FAM20A: variants seen among roughly 807,000 people sequenced by gnomAD.
The protein encoded by FAM20A is pseudokinase FAM20A.
Under a neutral mutation model 52.0 loss-of-function variants are expected in FAM20A, and 42 were observed. The observed-to-expected ratio is 0.81, with a 90% CI of 0.63 to 1.04. FAM20A has a LOEUF of 1.04. Among genes scored for constraint, FAM20A ranks in the 50% least tolerant of loss-of-function variants. The pLI, the probability that FAM20A is intolerant of heterozygous loss-of-function variation, is 0.00. For missense variants in FAM20A, 742 were observed against 712.7 expected, an observed-to-expected ratio of 1.04 and a Z score of -0.47; for synonymous variants, 304 against 298.9, an observed-to-expected ratio of 1.02 and a Z score of -0.18.
At position 68,571,958 on chromosome 17, in the gene FAM20A, G is replaced by A. The variant is rs2087549889; in HGVS notation, c.405-16215C>T. 2.9e-5 allele frequency among the ~76,000 whole-genome samples: 4 copies of A among 137,196 alleles called. No homozygotes were observed. The East Asian group carries it at 7.9e-4, about 27-fold the overall frequency. The allele number at this position is 137,196 out of a possible 152,430, so 90.0% of individuals were successfully genotyped here. A position where few individuals can be genotyped will look rare whatever the true frequency, so the allele number is the denominator to read the frequency against. On this transcript the variant is annotated intron_variant, in intron 1 of 10. Coordinates refer to ENST00000592554, the MANE Select transcript of FAM20A (RefSeq NM_017565.4). ...TGTAGAAATATATATATGTGTGTGT[G>A]TGTATATATATGTGTGTGTATATAC... is the stretch of plus-strand genomic sequence containing the variant.
At chr17:68,563,395 A>G (rs2087278981) in intron 1 of FAM20A, among the ~76,000 whole-genome samples, 1 of 151,746 alleles carries the variant, frequency 6.6e-6, no homozygotes, top group African/African-American at 2.4e-5. Flanking sequence ...TCAAAAAAAA[A>G]AAAAAAAAAA....
At chr17:68,570,728 C>T (rs1247173049) in intron 1 of FAM20A, among the ~76,000 whole-genome samples, 2 of 152,152 alleles carry the variant, frequency 1.3e-5, no homozygotes, top group African/African-American at 4.8e-5. Context: ...TGGCATCTGG[C>T]CACACATTCT....
At chr17:68,546,419 T>G (rs2086569724) in intron 4 of FAM20A, among the ~76,000 whole-genome samples, 1 of 152,046 alleles carries the variant, frequency 6.6e-6, no homozygotes, top group Non-Finnish European at 1.5e-5. Context: ...TCACAAATTT[T>G]CTTAATGGCA....
intron 1 of FAM20A, among the ~76,000 whole-genome samples, chr17:68,581,350 T>TTTTCCTTC (rs2087942502): frequency 2.2e-5 from 2 of 92,218 alleles, no homozygotes; most frequent in Non-Finnish European, 4.2e-5. Flanking sequence ...GAAATGCAGT[T>TTTTCCTTC]TTTCTTTCTT....
Position 68,539,881 on chromosome 17 carries a change from T to A in FAM20A, c.1301+4A>T. On this transcript the variant is annotated splice_donor_region_variant and intron_variant, in intron 9 of 10. Coordinates refer to ENST00000592554, the MANE Select transcript of FAM20A (RefSeq NM_017565.4). ...GATTGTTGAACACACGTGGGGAAGC[T>A]CACCCTCTGGCGTTGTCAAGGTGAA... 6.2e-7 allele frequency: 1 copy of A among 1,613,860 alleles called. No individual in the cohort carries two copies. The highest frequency in any genetic ancestry group is 8.5e-7 in the Non-Finnish European group (1 of 1,179,814).
Position 68,543,648 on chromosome 17 carries a change from C to G in FAM20A, c.793G>C (p.Ala265Pro). Residue 265 changes from alanine to proline, a missense_variant, in exon 5 of 11, where the codon GCA (alanine) becomes CCA (proline). Physicochemically the swap from Ala to Pro is conservative, Grantham distance 27. Coordinates refer to ENST00000592554, the MANE Select transcript of FAM20A (RefSeq NM_017565.4). Reference sequence around the variant, plus strand: ...CCCTACCTGTCCAGATGGAAAGCTGCGATCTCAGCATTGTGTCTCTGAAAG... The same window carrying G: ...CCCTACCTGTCCAGATGGAAAGCTGGGATCTCAGCATTGTGTCTCTGAAAG... ...IDFQRHNAEI[A>P]AFHLDRILDF... 1 of 1,614,008 alleles carries G rather than the reference C, an allele frequency of 6.2e-7. No individual in the cohort carries two copies. Among genetic ancestry groups the G allele is most frequent in the South Asian group, 1.1e-5 (1 of 91,072 alleles).
In FAM20A at chr17:68,541,176, T is replaced by TA; in HGVS notation, c.1110-219dup. The TA allele has an allele frequency of 5.2e-6, 3 of 579,106 alleles. No individual in the cohort carries two copies. The South Asian group carries it at 5.9e-5, about 11-fold the overall frequency. 35.9% of individuals were successfully genotyped at this position (579,106 alleles called of 1,614,324 possible). ...TGGGTCCTTTAAGTCTGGTGGACAC[T>TA]AAACCCATGGTTGGGATACTGTGTG... On this transcript the variant is annotated intron_variant, in intron 7 of 10. Coordinates refer to ENST00000592554, the MANE Select transcript of FAM20A (RefSeq NM_017565.4).
chr17:68,579,917 T>C (rs926559083), intron 1 of FAM20A, among the ~76,000 whole-genome samples: 1 of 152,216 alleles, frequency 6.6e-6, no homozygotes, highest in Non-Finnish European at 1.5e-5. Flanking sequence ...GGAGAACAAG[T>C]GGACTTTGGT....
In FAM20A at chr17:68,600,616, C is replaced by T. The variant is rs1326983412; in HGVS notation, c.51G>A (p.Ala17=). 3 of 1,563,154 alleles carry T rather than the reference C, an allele frequency of 1.9e-6. No individual in the cohort carries two copies. The highest frequency in any genetic ancestry group is 2.6e-6 in the Non-Finnish European group (3 of 1,158,536). ...DRLLTLLLLG[A]LLSADLYFHL... Reference sequence around the variant, plus strand: ...GGAAGTAGAGGTCGGCGGAGAGCAGCGCGCCCAGCAGCAGCAGAGTCAGTA... The same window carrying T: ...GGAAGTAGAGGTCGGCGGAGAGCAGTGCGCCCAGCAGCAGCAGAGTCAGTA... The change falls in exon 1 of 11, where the codon GCG becomes GCA. Residue 17 remains alanine (A), a synonymous_variant. Transcript: ENST00000592554. This position sits in a 1 kb window ranked among gnomAD's most constrained non-coding sequence, Gnocchi z 6.2.
chr17:68,559,778 T>C (rs1446052888), intron 1 of FAM20A, among the ~76,000 whole-genome samples: 1 of 152,250 alleles, frequency 6.6e-6, no homozygotes, highest in Non-Finnish European at 1.5e-5. Flanking sequence ...CATTGTTTTT[T>C]TCCACTTTTA....
Position 68,536,152 on chromosome 17 carries a change from C to T in FAM20A, c.*1325G>A, listed in dbSNP as rs1268686525. On this transcript the variant is annotated 3_prime_UTR_variant, in exon 11 of 11. Transcript: ENST00000592554. ...GGGTCAGAAGTGTTATTTGTCCAGT[C>T]GAGGCTATCTTTGCTCACACTGCAG... is the stretch of plus-strand genomic sequence containing the variant. The T allele has an allele frequency of 1.8e-5, 8 of 453,986 alleles. No homozygotes were observed. The highest frequency in any genetic ancestry group is 1.0e-4 in the African/African-American group (5 of 50,000). The allele number at this position is 453,986 out of a possible 1,614,324, so 28.1% of individuals were successfully genotyped here.
At chr17:68,569,492 T>C (rs2087478321) in intron 1 of FAM20A, among the ~76,000 whole-genome samples, 1 of 152,228 alleles carries the variant, frequency 6.6e-6, no homozygotes, top group Non-Finnish European at 1.5e-5. Context: ...TCTTTATTGA[T>C]GTTAAATGAA....
intron 1 of FAM20A, among the ~76,000 whole-genome samples, chr17:68,576,895 C>G (rs1041917869): frequency 1.3e-5 from 2 of 152,144 alleles, no homozygotes; most frequent in East Asian, 3.8e-4. Flanking sequence ...GAGGGACATT[C>G]TAGGAGCTGG....
At chr17:68,544,669 A>G (rs2952317) in intron 4 of FAM20A, among the ~76,000 whole-genome samples, 47,172 of 152,086 alleles carry the variant, frequency 0.31, 7,645 homozygotes, top group East Asian at 0.56. Flanking sequence ...AGGTGCTGCC[A>G]AAAGTAGAGA....
At chr17:68,582,417 C>T (rs559366808) in intron 1 of FAM20A, 183 of 152,318 alleles carry the variant, frequency 1.2e-3, no homozygotes, top group African/African-American at 4.3e-3. Flanking sequence ...CAAGTGAGGG[C>T]GATGGCTGGG....
chr17:68,575,789 T>TAC (rs1491430631), intron 1 of FAM20A, among the ~76,000 whole-genome samples: 1,503 of 41,250 alleles, frequency 0.036, 20 homozygotes, highest in African/African-American at 0.051. Context: ...TATTTTATAT[T>TAC]ATACACACAC....
chr17:68,590,798 T>A (rs1245455830), intron 1 of FAM20A, among the ~76,000 whole-genome samples: 1 of 152,154 alleles, frequency 6.6e-6, no homozygotes, highest in Non-Finnish European at 1.5e-5. Context: ...GGGGAACTGC[T>A]CTTCCCCACT....
chr17:68,548,081 C>T (rs772821155), intron 4 of FAM20A, among the ~76,000 whole-genome samples: 1 of 152,066 alleles, frequency 6.6e-6, no homozygotes, highest in Non-Finnish European at 1.5e-5. Context: ...GGGGGAACAG[C>T]AAGTTGTTGG....
intron 1 of FAM20A, among the ~76,000 whole-genome samples, chr17:68,580,099 G>A (rs1413750766): frequency 1.3e-5 from 2 of 152,150 alleles, no homozygotes; most frequent in Non-Finnish European, 2.9e-5. Flanking sequence ...AAGAAACTAA[G>A]GTCCACAAAG....
Sources: gnomAD v4.1 joint callset for allele counts (sites outside exome capture counted in the v4.1 genomes callset) on GRCh38, gnomAD v4.1.1 for gene constraint, Gnocchi (gnomAD v3.1) non-coding constraint, MANE v1.5 for transcripts, NCBI Gene and HGNC (gene_info 2026-07-23, HGNC 2026-07-21) for gene names.